DIAPH2: variants seen among roughly 807,000 people sequenced by gnomAD.
DIAPH2 encodes protein diaphanous homolog 2.
A neutral mutation model predicts 92.7 loss-of-function variants in DIAPH2; 35 were observed. The observed-to-expected ratio is 0.38, with a 90% CI of 0.29 to 0.50. The LOEUF (loss-of-function observed/expected upper bound fraction) is 0.50. Ranked by LOEUF, DIAPH2 falls within the 20% of genes least tolerant of loss-of-function variation. DIAPH2 has a pLI of 0.94. For synonymous variants in DIAPH2, 301 were observed against 280.4 expected (o/e 1.07, Z -0.73); for missense variants, 701 against 819.5 (o/e 0.86, Z 1.77).
chrX:97,316,485 C>CAAA (rs55897560), intron 23 of DIAPH2, among the ~76,000 whole-genome samples: 4 of 59,294 alleles, frequency 6.7e-5, no homozygotes, highest in South Asian at 1.1e-3. Flanking sequence ...ACTAAAAATA[C>CAAA]AAAAAAAAAA....
intron 22 of DIAPH2, among the ~76,000 whole-genome samples, chrX:97,185,323 A>ATATG (rs1289031765): frequency 8.4e-5 from 4 of 47,723 alleles, no homozygotes; most frequent in African/African-American, 4.6e-4. Context: ...ATATATATAT[A>ATATG]TGTGTATATA....
rs760605649 is a variant in DIAPH2 at position 97,412,503 on chromosome X, C to G, written c.3146-17147C>G. Reference sequence around the variant, plus strand: ...ATCACAATTAAAAGAACTAGAGAAGCAAGAGGAAACAAATTCAAAAGCCAG... The same window carrying G: ...ATCACAATTAAAAGAACTAGAGAAGGAAGAGGAAACAAATTCAAAAGCCAG... On this transcript the variant is annotated intron_variant, in intron 25 of 26. Coordinates refer to ENST00000324765, the MANE Select transcript of DIAPH2 (RefSeq NM_006729.5). Among the ~76,000 whole-genome samples, 19 of 111,404 alleles carry G rather than the reference C, an allele frequency of 1.7e-4. No individual in the cohort carries two copies. The East Asian group carries it at 4.2e-3, about 25-fold the overall frequency.
intron 17 of DIAPH2, among the ~76,000 whole-genome samples, chrX:96,981,807 T>A (rs1214638114): frequency 9.1e-6 from 1 of 110,351 alleles, no homozygotes; most frequent in Non-Finnish European, 1.9e-5. Context: ...GATCACTCTG[T>A]AGTATAACTG....
chrX:97,274,772 A>T (rs2068424495), intron 23 of DIAPH2, among the ~76,000 whole-genome samples: 1 of 110,161 alleles, frequency 9.1e-6, no homozygotes, highest in African/African-American at 3.3e-5. Flanking sequence ...TGGTTTTCCT[A>T]GGCAAAGGAC....
intron 23 of DIAPH2, among the ~76,000 whole-genome samples, chrX:97,295,568 T>C (rs1190377161): frequency 9.0e-6 from 1 of 111,502 alleles, no homozygotes; most frequent in Non-Finnish European, 1.9e-5. Context: ...GTCTCCATTT[T>C]ACAGTTGGAT....
At chrX:97,225,978 G>A (rs2067961963) in intron 22 of DIAPH2, among the ~76,000 whole-genome samples, 1 of 111,559 alleles carries the variant, frequency 9.0e-6, no homozygotes, top group South Asian at 3.7e-4. Context: ...TTACACAGCT[G>A]CTCTAGAGGA....
At chrX:97,014,667 C>T (rs2066248783) in intron 17 of DIAPH2, among the ~76,000 whole-genome samples, 1 of 111,717 alleles carries the variant, frequency 9.0e-6, no homozygotes, top group Non-Finnish European at 1.9e-5. Flanking sequence ...ATCTGAAGCT[C>T]TAGTGTGGTG....
chrX:97,392,141 C>T (rs959945132), intron 25 of DIAPH2, among the ~76,000 whole-genome samples: 1 of 111,969 alleles, frequency 8.9e-6, no homozygotes, highest in Non-Finnish European at 1.9e-5. Context: ...TGCTACCTAG[C>T]TTTATGACCT....
At chrX:97,200,116 C>G (rs760230973) in intron 22 of DIAPH2, among the ~76,000 whole-genome samples, 1 of 111,720 alleles carries the variant, frequency 9.0e-6, no homozygotes, top group African/African-American at 3.3e-5. Context: ...GGACCTCCCT[C>G]CCCCAGCCAA....
intron 3 of DIAPH2, among the ~76,000 whole-genome samples, chrX:96,754,913 G>A (rs1253988979): frequency 1.6e-5 from 1 of 64,229 alleles, no homozygotes; most frequent in African/African-American, 6.4e-5. Context: ...AACAGAGCAA[G>A]TCTCCACCTC....
intron 17 of DIAPH2, among the ~76,000 whole-genome samples, chrX:97,061,354 G>A (rs1053411678): frequency 9.0e-6 from 1 of 111,714 alleles, no homozygotes; most frequent in African/African-American, 3.3e-5. Context: ...GCTCAGTTCT[G>A]GACTTTTATT....
intron 19 of DIAPH2, among the ~76,000 whole-genome samples, chrX:97,089,034 T>C (rs1451746912): frequency 9.0e-6 from 1 of 111,231 alleles, no homozygotes. Context: ...GTAGGTTCCA[T>C]GTTGTATATA....
chrX:96,798,675 T>C (rs945374860), intron 4 of DIAPH2, among the ~76,000 whole-genome samples: 1 of 111,953 alleles, frequency 8.9e-6, no homozygotes, highest in Non-Finnish European at 1.9e-5. Flanking sequence ...CATTGTTGAA[T>C]GTTGGAATTT....
intron 4 of DIAPH2, among the ~76,000 whole-genome samples, chrX:96,849,638 A>C (rs1463397235): frequency 8.9e-6 from 1 of 112,030 alleles, no homozygotes; most frequent in Non-Finnish European, 1.9e-5. Flanking sequence ...AGAATCAGCG[A>C]GCATTTGGAA....
intron 22 of DIAPH2, among the ~76,000 whole-genome samples, chrX:97,206,409 A>C (rs780035827): frequency 1.1e-4 from 12 of 112,253 alleles, no homozygotes; most frequent in African/African-American, 3.9e-4. Context: ...TCTAAAAATG[A>C]CATGTTGTAA....
chrX:97,237,878 G>A (rs2068061745), intron 22 of DIAPH2, among the ~76,000 whole-genome samples: 1 of 112,267 alleles, frequency 8.9e-6, no homozygotes, highest in African/African-American at 3.2e-5. Context: ...ACCGCGCCCG[G>A]CCCGCAAAAA....
chrX:96,920,090 A>G (rs2065532357), intron 9 of DIAPH2, among the ~76,000 whole-genome samples: 1 of 110,490 alleles, frequency 9.1e-6, no homozygotes, highest in South Asian at 3.8e-4. Flanking sequence ...CATGTTGGCC[A>G]GGCTAGTTTT....
At chrX:97,171,724 A>G (rs2147452905) in intron 22 of DIAPH2, among the ~76,000 whole-genome samples, 1 of 111,918 alleles carries the variant, frequency 8.9e-6, no homozygotes, top group Admixed American at 9.5e-5. Flanking sequence ...GCGGATCACA[A>G]GGTCAGGAGA....
intron 4 of DIAPH2, among the ~76,000 whole-genome samples, chrX:96,846,788 A>G (rs2064975797): frequency 9.2e-6 from 1 of 109,025 alleles, no homozygotes; most frequent in Admixed American, 9.8e-5. Context: ...TTTTTAAAGA[A>G]ATCTGACAGA....
Sources: allele counts gnomAD v4.1 joint callset (sites outside exome capture counted in the v4.1 genomes callset), GRCh38; gene constraint gnomAD v4.1.1; transcripts MANE v1.5; gene names NCBI Gene and HGNC (gene_info 2026-07-23, HGNC 2026-07-21).